Variants in ZC3H12B observed in about 807,000 individuals in gnomAD.
ZC3H12B encodes the protein probable ribonuclease ZC3H12B.
In ZC3H12B, 7 loss-of-function variants were observed where a neutral mutation model predicts 43.9. The ratio of observed to expected loss-of-function variants is 0.16; its 90% CI spans 0.09 to 0.30. The LOEUF (loss-of-function observed/expected upper bound fraction) is 0.30. ZC3H12B is among the 10% of genes least tolerant of loss of function. ZC3H12B has a pLI of 1.00. For synonymous variants in ZC3H12B, 222 were observed against 241.7 expected (o/e 0.92, Z 0.76); for missense variants, 475 against 670.2 (o/e 0.71, Z 3.22).
At chrX:65,365,531 C>T (rs1388550235), upstream of ZC3H12B, among the ~76,000 whole-genome samples, 3 of 111,063 alleles carry the variant, frequency 2.7e-5, no homozygotes, top group Admixed American at 9.6e-5. Flanking sequence ...CCATGCCACC[C>T]CTAATCCCGC....
the ZC3H12B span, among the ~76,000 whole-genome samples, chrX:65,157,091 C>T: frequency 9.0e-6 from 1 of 111,178 alleles, no homozygotes; most frequent in Non-Finnish European, 1.9e-5. Context: ...AGGCAATCCT[C>T]CTACCTCAGC....
intron 2 of ZC3H12B, among the ~76,000 whole-genome samples, chrX:65,377,207 A>G (rs913101484): frequency 1.8e-5 from 2 of 108,369 alleles, no homozygotes; most frequent in African/African-American, 3.4e-5. Context: ...ATTTGAAAAT[A>G]TACAGTCCGA....
the ZC3H12B span, among the ~76,000 whole-genome samples, chrX:65,336,234 TG>T: frequency 8.9e-6 from 1 of 112,511 alleles, no homozygotes; most frequent in Non-Finnish European, 1.9e-5. Context: ...ACAAAGAAGC[TG>T]GAAACCTGAC....
At chrX:65,387,747 A>T (rs1237930887) in intron 2 of ZC3H12B, among the ~76,000 whole-genome samples, 2 of 112,550 alleles carry the variant, frequency 1.8e-5, no homozygotes, top group African/African-American at 6.4e-5. Context: ...GATGGTCTTT[A>T]CAATTTGGCA....
chrX:65,165,228 T>A, the ZC3H12B span, among the ~76,000 whole-genome samples: 1 of 112,178 alleles, frequency 8.9e-6, no homozygotes, highest in Non-Finnish European at 1.9e-5. Flanking sequence ...GAGATTATAT[T>A]GCTAAAAATG....
intron 2 of ZC3H12B, among the ~76,000 whole-genome samples, chrX:65,382,018 GA>G (rs1389009448): frequency 8.9e-6 from 1 of 111,918 alleles, no homozygotes; most frequent in Non-Finnish European, 1.9e-5. Flanking sequence ...GATTCTACCA[GA>G]GGTACAAGGA....
the ZC3H12B span, among the ~76,000 whole-genome samples, chrX:65,333,488 CA>C: frequency 1.8e-5 from 2 of 111,573 alleles, no homozygotes; most frequent in African/African-American, 3.2e-5. Context: ...TATAGCTCTC[CA>C]AAAAAAGTTT....
chrX:65,311,430 A>G, the ZC3H12B span, among the ~76,000 whole-genome samples: 1 of 112,441 alleles, frequency 8.9e-6, no homozygotes, highest in African/African-American at 3.2e-5. Flanking sequence ...AATGCAAATC[A>G]AAACCACAAT....
the ZC3H12B span, among the ~76,000 whole-genome samples, chrX:65,212,328 T>G: frequency 2.3e-5 from 1 of 43,516 alleles, no homozygotes; most frequent in Non-Finnish European, 3.7e-5. Flanking sequence ...ATATTTATAT[T>G]ATATAATATA....
chrX:65,222,631 AT>A, the ZC3H12B span, among the ~76,000 whole-genome samples: 4 of 103,944 alleles, frequency 3.8e-5, no homozygotes, highest in South Asian at 4.2e-4. Flanking sequence ...AATAATAATA[AT>A]AATAATAATA....
At chrX:65,431,095 G>C (rs1303602363) in intron 3 of ZC3H12B, among the ~76,000 whole-genome samples, 1 of 112,530 alleles carries the variant, frequency 8.9e-6, no homozygotes, top group Non-Finnish European at 1.9e-5. Flanking sequence ...ACAGTGAAAA[G>C]AAATATCTAA....
chrX:65,237,179 G>C, the ZC3H12B span, among the ~76,000 whole-genome samples: 1 of 112,010 alleles, frequency 8.9e-6, no homozygotes, highest in African/African-American at 3.2e-5. Context: ...CTATCCATGA[G>C]CATGGAATGT....
intron 3 of ZC3H12B, among the ~76,000 whole-genome samples, chrX:65,435,970 T>C (rs1437073515): frequency 1.8e-5 from 2 of 111,862 alleles, no homozygotes; most frequent in Non-Finnish European, 3.8e-5. Flanking sequence ...TCACATTGCT[T>C]CAAATAACTA....
At chrX:65,047,247 C>T in the ZC3H12B span, among the ~76,000 whole-genome samples, 3 of 110,744 alleles carry the variant, frequency 2.7e-5, no homozygotes, top group Non-Finnish European at 5.7e-5. Flanking sequence ...AATGAGGTAC[C>T]CCTGCATATT....
chrX:65,412,598 G>T (rs1048594992), intron 3 of ZC3H12B, among the ~76,000 whole-genome samples: 1 of 110,961 alleles, frequency 9.0e-6, no homozygotes, highest in African/African-American at 3.3e-5. Context: ...CTCCCAAGTA[G>T]CTGGGACTGC....
the ZC3H12B span, among the ~76,000 whole-genome samples, chrX:65,158,978 C>A: frequency 2.7e-5 from 3 of 111,535 alleles, no homozygotes; most frequent in Admixed American, 2.9e-4. Context: ...TCCAGTTTCA[C>A]CTTTCTACAT....
chrX:65,497,383 A>G, intron 2 of ZC3H12B, 112 bp downstream of exon 7: 2 of 703,629 alleles, frequency 2.8e-6, no homozygotes, highest in Non-Finnish European at 3.8e-6. Flanking sequence ...GTATATTTAA[A>G]GTATTTTTAT....
chrX:65,051,985 G>A, the ZC3H12B span, among the ~76,000 whole-genome samples: 3 of 110,615 alleles, frequency 2.7e-5, no homozygotes, highest in East Asian at 8.5e-4. Flanking sequence ...GTTTTTTTAA[G>A]TTTCATAATA....
chrX:65,222,129 G>T, the ZC3H12B span, among the ~76,000 whole-genome samples: 12 of 111,554 alleles, frequency 1.1e-4, no homozygotes, highest in Non-Finnish European at 1.9e-4. Context: ...TGCAGAAAAA[G>T]CATTTTACAA....
Sources: gnomAD v4.1 joint callset for allele counts (sites outside exome capture counted in the v4.1 genomes callset) on GRCh38, gnomAD v4.1.1 for gene constraint, MANE v1.5 for transcripts, NCBI Gene and HGNC (gene_info 2026-07-23, HGNC 2026-07-21) for gene names.